Variants in GRIP1 observed in about 807,000 individuals in gnomAD.
GRIP1 encodes glutamate receptor interacting protein 1.
Under a neutral mutation model 129.9 loss-of-function variants are expected in GRIP1, and 45 were observed. The observed-to-expected ratio is 0.35, with a 90% confidence interval of 0.27 to 0.44. GRIP1 has a LOEUF of 0.44. GRIP1 is among the 20% of genes least tolerant of loss of function. The pLI is 1.00. For synonymous variants in GRIP1, 530 were observed against 520.8 expected (o/e 1.02, Z -0.24); for missense variants, 1,196 against 1,396.8 (o/e 0.86, Z 2.29).
At chr12:66,768,685 A>G (rs7302289) in intron 1 of GRIP1, among the ~76,000 whole-genome samples, 89,001 of 152,086 alleles carry the variant, frequency 0.59, 26,387 homozygotes, top group East Asian at 0.77. Flanking sequence ...ATGTCAGCTA[A>G]ACACTGGTTA....
At chr12:66,420,586 A>G in intron 15 of GRIP1, 134 bp downstream of exon 15, 1 of 701,078 alleles carries the variant, frequency 1.4e-6, no homozygotes, top group Non-Finnish European at 2.6e-6. Context: ...AATATGATCA[A>G]TTAATAGTGG....
At chr12:66,852,497 T>C (rs2039930548) in intron 1 of GRIP1, among the ~76,000 whole-genome samples, 1 of 151,328 alleles carries the variant, frequency 6.6e-6, no homozygotes. Flanking sequence ...AAAGTGTGTA[T>C]ATATACACAC....
At chr12:66,907,460 A>G (rs2040952688) in intron 1 of GRIP1, among the ~76,000 whole-genome samples, 1 of 152,190 alleles carries the variant, frequency 6.6e-6, no homozygotes, top group Non-Finnish European at 1.5e-5. Context: ...GGAAGAGATA[A>G]GAAGGACTGG....
chr12:67,054,311 A>G (rs2043396181), intron 1 of GRIP1, among the ~76,000 whole-genome samples: 1 of 152,246 alleles, frequency 6.6e-6, no homozygotes, highest in South Asian at 2.1e-4. Context: ...CTATGAGCCA[A>G]GCACTCTTCT....
At chr12:66,394,686 T>C (rs1484800916) in intron 16 of GRIP1, among the ~76,000 whole-genome samples, 2 of 152,118 alleles carry the variant, frequency 1.3e-5, no homozygotes, top group Non-Finnish European at 2.9e-5. Context: ...TAAATATCTG[T>C]GAAATAAACA....
At chr12:66,927,682 G>T (rs1446310398) in intron 1 of GRIP1, among the ~76,000 whole-genome samples, 3 of 152,050 alleles carry the variant, frequency 2.0e-5, no homozygotes, top group Non-Finnish European at 4.4e-5. Context: ...CATGTAAGAG[G>T]GGTTACCCAC....
chr12:66,632,622 C>T lies in GRIP1; in HGVS notation c.56-35695G>A, dbSNP rs181484227. 2.3e-3 allele frequency among the ~76,000 whole-genome samples: 348 copies of T among 152,266 alleles called. 2 individuals are homozygous for T. Among genetic ancestry groups the T allele is most frequent in the African/African-American group, 8.0e-3 (331 of 41,556 alleles). ...ACATTTGGTCAGGTCACATTCAGGT[C>T]TTGCTTTATAAAATTCTTTGGTCTC... On this transcript the variant is annotated intron_variant, in intron 1 of 24. Coordinates refer to ENST00000359742, the MANE Select transcript of GRIP1 (RefSeq NM_001366722.1).
intron 16 of GRIP1, among the ~76,000 whole-genome samples, chr12:66,396,056 A>C (rs2056775104): frequency 6.6e-6 from 1 of 152,242 alleles, no homozygotes; most frequent in African/African-American, 2.4e-5. Flanking sequence ...TGCAGCCCTC[A>C]TCATCAACAA....
At chr12:66,639,605 TAGAA>T (rs1400304601) in intron 1 of GRIP1, among the ~76,000 whole-genome samples, 15 of 152,164 alleles carry the variant, frequency 9.9e-5, no homozygotes, top group Admixed American at 9.8e-4. Context: ...TTCCAGGAGT[TAGAA>T]AGAACCACAG....
intron 1 of GRIP1, among the ~76,000 whole-genome samples, chr12:66,747,353 A>G (rs2036981051): frequency 6.6e-6 from 1 of 152,326 alleles, no homozygotes; most frequent in East Asian, 1.9e-4. Context: ...ACAATCCAAG[A>G]GGCAACTGTG....
chr12:66,812,297 C>T (rs1013302702), intron 1 of GRIP1, among the ~76,000 whole-genome samples: 1 of 152,120 alleles, frequency 6.6e-6, no homozygotes, highest in African/African-American at 2.4e-5. Context: ...CCATGCTTGG[C>T]TAATTTTTTG....
At chr12:66,394,129 G>A (rs549884485) in intron 17 of GRIP1, 79 bp downstream of exon 17, 3 of 1,278,910 alleles carry the variant, frequency 2.3e-6, no homozygotes, top group Admixed American at 3.4e-5. Flanking sequence ...CACAGAGAGA[G>A]GAGCATGTTT....
chr12:66,388,982 G>A (rs546530296), intron 19 of GRIP1, among the ~76,000 whole-genome samples: 1 of 152,296 alleles, frequency 6.6e-6, no homozygotes, highest in African/African-American at 2.4e-5. Context: ...GGAGAGAACA[G>A]TAAGGAATGT....
At chr12:66,398,810 A>G (rs1367453373) in intron 16 of GRIP1, among the ~76,000 whole-genome samples, 4 of 152,034 alleles carry the variant, frequency 2.6e-5, no homozygotes, top group African/African-American at 9.7e-5. Context: ...CCAACTTTTA[A>G]GAACCAATTT....
At chr12:66,999,665 T>A (rs2042522044) in intron 1 of GRIP1, among the ~76,000 whole-genome samples, 1 of 152,102 alleles carries the variant, frequency 6.6e-6, no homozygotes, top group South Asian at 2.1e-4. Flanking sequence ...AATACAGAAC[T>A]ATCTAAATAA....
chr12:66,984,472 C>T (rs1357374884), intron 1 of GRIP1, among the ~76,000 whole-genome samples: 1 of 152,174 alleles, frequency 6.6e-6, no homozygotes, highest in East Asian at 1.9e-4. Context: ...AAGTATCTTA[C>T]ATTTATTGAG....
chr12:67,059,495 C>G (rs568221308), intron 1 of GRIP1, among the ~76,000 whole-genome samples: 2 of 152,338 alleles, frequency 1.3e-5, no homozygotes, highest in East Asian at 1.9e-4. Flanking sequence ...AGAATACTAA[C>G]CTTTCCCCTT....
chr12:66,583,015 G>T (rs2063464680), intron 2 of GRIP1, among the ~76,000 whole-genome samples: 1 of 151,388 alleles, frequency 6.6e-6, no homozygotes. Context: ...TACACTACAA[G>T]GCTACAGTAA....
chr12:67,053,659 C>T (rs570968155), intron 1 of GRIP1, among the ~76,000 whole-genome samples: 66 of 151,854 alleles, frequency 4.3e-4, no homozygotes, highest in Non-Finnish European at 7.2e-4. Context: ...GGCAAAACCT[C>T]ATCTCTACTA....
Sources: gnomAD v4.1 joint callset for allele counts (sites outside exome capture counted in the v4.1 genomes callset) on GRCh38, gnomAD v4.1.1 for gene constraint, MANE v1.5 for transcripts, NCBI Gene and HGNC (gene_info 2026-07-23, HGNC 2026-07-21) for gene names.